Variants in SOX5 observed in about 807,000 individuals in gnomAD.
SOX5 encodes the protein transcription factor SOX-5.
Under a neutral mutation model 92.0 loss-of-function variants are expected in SOX5, and 9 were observed. The ratio of observed to expected loss-of-function variants is 0.10; its 90% CI spans 0.06 to 0.17. SOX5 has a LOEUF of 0.17. Among genes scored for constraint, SOX5 ranks in the 10% least tolerant of loss-of-function variants. The pLI is 1.00. For synonymous variants in SOX5, 344 were observed against 336.3 expected (o/e 1.02, Z -0.25); for missense variants, 642 against 944.5 (o/e 0.68, Z 4.20).
At chr12:24,444,816 A>G (rs1941214552) in intron 1 of SOX5, among the ~76,000 whole-genome samples, 1 of 152,210 alleles carries the variant, frequency 6.6e-6, no homozygotes, top group Non-Finnish European at 1.5e-5. Flanking sequence ...GGATTGGCTG[A>G]GGCCTCTGTT....
intron 1 of SOX5, among the ~76,000 whole-genome samples, chr12:23,948,834 C>A (rs969132151): frequency 3.3e-5 from 5 of 152,006 alleles, no homozygotes; most frequent in African/African-American, 9.7e-5. Flanking sequence ...TAAATAGGAA[C>A]AACTTAATTA....
chr12:23,660,655 C>T (rs2082912214), intron 7 of SOX5, among the ~76,000 whole-genome samples: 1 of 151,816 alleles, frequency 6.6e-6, no homozygotes, highest in African/African-American at 2.4e-5. Flanking sequence ...TTATAATATT[C>T]TGTTCTGTGG....
chr12:23,676,580 G>A (rs899364912), intron 6 of SOX5, among the ~76,000 whole-genome samples: 9 of 149,854 alleles, frequency 6.0e-5, no homozygotes, highest in African/African-American at 1.7e-4. Context: ...GTGAAACAGC[G>A]AAGCTAGGGC....
chr12:24,141,188 T>C (rs1950551410), intron 4 of SOX5, among the ~76,000 whole-genome samples: 1 of 152,210 alleles, frequency 6.6e-6, no homozygotes, highest in South Asian at 2.1e-4. Flanking sequence ...TATGGAATGT[T>C]TTTTTAAACA....
At chr12:23,965,777 C>T (rs1215015057) in intron 4 of SOX5, among the ~76,000 whole-genome samples, 1 of 151,990 alleles carries the variant, frequency 6.6e-6, no homozygotes, top group African/African-American at 2.4e-5. Context: ...CACCACCATG[C>T]CTGGCTAATT....
chr12:24,218,923 A>G (rs1959720079), intron 3 of SOX5, among the ~76,000 whole-genome samples: 1 of 152,222 alleles, frequency 6.6e-6, no homozygotes, highest in South Asian at 2.1e-4. Context: ...ATACAATCCA[A>G]GTGTCACTGT....
chr12:24,451,723 T>C (rs1020256227), intron 1 of SOX5, among the ~76,000 whole-genome samples: 1 of 152,186 alleles, frequency 6.6e-6, no homozygotes, highest in African/African-American at 2.4e-5. Context: ...ATTAGAGAAA[T>C]GATCATGAGC....
intron 4 of SOX5, among the ~76,000 whole-genome samples, chr12:24,079,103 C>T (rs755209586): frequency 6.6e-6 from 1 of 150,858 alleles, no homozygotes; most frequent in Non-Finnish European, 1.5e-5. Context: ...CATCACCTCA[C>T]GTAGCAGCCA....
At chr12:23,664,348 C>T (rs1403217036) in intron 7 of SOX5, among the ~76,000 whole-genome samples, 1 of 149,906 alleles carries the variant, frequency 6.7e-6, no homozygotes. Flanking sequence ...AGCCAAAATG[C>T]ACTGGAATTT....
rs181405374 is a variant in SOX5 at position 24,002,133 on chromosome 12, G to C, written c.-1-106109C>G. Among the ~76,000 whole-genome samples the C allele has an allele frequency of 2.1e-3, 326 of 152,108 alleles. 1 individual carries two copies. Among genetic ancestry groups the C allele is most frequent in the African/African-American group, 7.5e-3 (312 of 41,506 alleles). The stretch of plus-strand genomic sequence containing the variant: ...GTTCTCAAATCAATGACTTCAGTTT[G>C]CATGTTTAGAAAGAAAAGAAGAAAA... On this transcript the variant is annotated intron_variant, in intron 4 of 4. Coordinates refer to the SOX5 transcript ENST00000446891.
Position 24,401,221 on chromosome 12 carries a change from G to A in SOX5, c.-250-32582C>T, listed in dbSNP as rs181051886. Among the ~76,000 whole-genome samples, 106 of 152,070 alleles carry A rather than the reference G, an allele frequency of 7.0e-4. 2 individuals are homozygous for A. In the East Asian group the frequency reaches 0.02, roughly 29 times the overall value. On this transcript the variant is annotated intron_variant, in intron 1 of 4. Transcript: ENST00000446891. ...ACAAAAATTAGCCGGTCCTGGTGGC[G>A]TGTGCCTGTAGTCCCAGCTACTCAG...
intron 3 of SOX5, among the ~76,000 whole-genome samples, chr12:24,223,591 T>C (rs150153866): frequency 2.3e-4 from 35 of 152,136 alleles, no homozygotes; most frequent in Admixed American, 1.2e-3. Flanking sequence ...ATCTTTATAC[T>C]GAAAAATTTT....
chr12:23,922,511 T>C (rs901318717), intron 1 of SOX5, among the ~76,000 whole-genome samples: 2 of 152,220 alleles, frequency 1.3e-5, no homozygotes, highest in Non-Finnish European at 2.9e-5. Flanking sequence ...CCTGCATTCA[T>C]GGGTCACTTG....
intron 8 of SOX5, among the ~76,000 whole-genome samples, chr12:23,606,473 G>A (rs1414058551): frequency 6.6e-6 from 1 of 151,584 alleles, no homozygotes; most frequent in Non-Finnish European, 1.5e-5. Flanking sequence ...TACAATATCT[G>A]TGATAAAGAA....
intron 4 of SOX5, among the ~76,000 whole-genome samples, chr12:24,036,619 C>T (rs923497441): frequency 6.6e-6 from 1 of 152,094 alleles, no homozygotes; most frequent in African/African-American, 2.4e-5. Flanking sequence ...AATTCTCAGT[C>T]CCTGTGTCAC....
intron 4 of SOX5, among the ~76,000 whole-genome samples, chr12:24,052,590 AG>A: frequency 6.6e-6 from 1 of 152,320 alleles, no homozygotes; most frequent in East Asian, 1.9e-4. Context: ...TTAATTTGAA[AG>A]CAGTTAGTGT....
intron 4 of SOX5, among the ~76,000 whole-genome samples, chr12:24,150,550 A>T (rs781265578): frequency 1.7e-4 from 26 of 152,166 alleles, no homozygotes; most frequent in Non-Finnish European, 3.4e-4. Context: ...TACTCAAAGA[A>T]AACTGGCAAA....
At chr12:23,663,810 A>G (rs1046671185) in intron 7 of SOX5, among the ~76,000 whole-genome samples, 3 of 152,062 alleles carry the variant, frequency 2.0e-5, no homozygotes, top group Non-Finnish European at 4.4e-5. Flanking sequence ...TATTCTTAGA[A>G]TGTAAAATAT....
intron 4 of SOX5, among the ~76,000 whole-genome samples, chr12:24,008,736 G>C (rs536653956): frequency 1.0e-3 from 154 of 152,226 alleles, no homozygotes; most frequent in Non-Finnish European, 1.1e-3. Context: ...TCTCCCAAAA[G>C]ACAGATATGG....
Sources: allele counts gnomAD v4.1 joint callset (sites outside exome capture counted in the v4.1 genomes callset), GRCh38; gene constraint gnomAD v4.1.1; transcripts MANE v1.5; gene names NCBI Gene and HGNC (gene_info 2026-07-23, HGNC 2026-07-21).